Variants in BMPR2 observed in about 807,000 individuals in gnomAD.
The protein encoded by BMPR2 is bone morphogenetic protein receptor type 2.
BMPR2 carries 29 observed loss-of-function variants against 100.8 expected under a neutral mutation model. The observed-to-expected ratio is 0.29, with a 90% CI of 0.21 to 0.39. The LOEUF (loss-of-function observed/expected upper bound fraction) is 0.39, where lower values mean the gene tolerates loss of function less well. BMPR2 is among the 10% of genes least tolerant of loss of function. BMPR2 has a pLI of 1.00. For missense variants in BMPR2, 1,011 were observed against 1,274.5 expected (o/e 0.79, Z 3.15); for synonymous variants, 382 against 442.3 (o/e 0.86, Z 1.71).
intron 2 of BMPR2, 61 bp from the exon 3 acceptor site, chr2:202,467,458 G>T (rs745606726): frequency 7.0e-6 from 10 of 1,431,638 alleles, no homozygotes; most frequent in Non-Finnish European, 9.8e-6. Flanking sequence ...TTAGTTTGTT[G>T]TTTTTCTCTT....
chr2:202,435,831 C>A (rs1346985456), intron 1 of BMPR2, among the ~76,000 whole-genome samples: 1 of 150,430 alleles, frequency 6.6e-6, no homozygotes, highest in Non-Finnish European at 1.5e-5. Context: ...TACAACTATC[C>A]TATAGTCTAG....
intron 7 of BMPR2, among the ~76,000 whole-genome samples, chr2:202,530,284 A>G (rs1038297412): frequency 5.3e-5 from 8 of 152,216 alleles, no homozygotes; most frequent in African/African-American, 1.9e-4. Flanking sequence ...ATTTGTGGTT[A>G]GATTTGAAAA....
At chr2:202,493,167 T>C (rs1329371183) in intron 3 of BMPR2, among the ~76,000 whole-genome samples, 2 of 152,230 alleles carry the variant, frequency 1.3e-5, no homozygotes, top group African/African-American at 4.8e-5. Flanking sequence ...GTGAATTTTA[T>C]TTTTAATTTG....
At chr2:202,552,025 T>A (rs192910235) in intron 10 of BMPR2, among the ~76,000 whole-genome samples, 1 of 152,254 alleles carries the variant, frequency 6.6e-6, no homozygotes, top group Non-Finnish European at 1.5e-5. Context: ...CAGCTGATTT[T>A]TGTATTTTTA....
chr2:202,376,510 G>T lies in BMPR2; in HGVS notation c.-965G>T, dbSNP rs1394399058. Among the ~76,000 whole-genome samples, 5 of 136,256 alleles carry T rather than the reference G, an allele frequency of 3.7e-5. No homozygotes were observed. The highest frequency in any genetic ancestry group is 6.4e-5 in the Non-Finnish European group (4 of 62,738). The allele number at this position is 136,256 out of a possible 152,430, so 89.4% of individuals were successfully genotyped here. On this transcript the variant is annotated 5_prime_UTR_variant, in exon 1 of 13. Transcript: ENST00000374580. ...CAGGAGCCCAGAGCTGCGGGAGAAC[G>T]AGGCGGCGGCGGCGGCGGCGGCGGC...
chr2:202,534,413 G>T (rs887870191), intron 9 of BMPR2, among the ~76,000 whole-genome samples: 23 of 151,662 alleles, frequency 1.5e-4, no homozygotes, highest in African/African-American at 5.3e-4. Context: ...GCGGCCTTCC[G>T]CAGTGTTTGT....
intron 1 of BMPR2, among the ~76,000 whole-genome samples, chr2:202,384,873 G>A (rs1164292994): frequency 2.0e-5 from 3 of 152,116 alleles, no homozygotes; most frequent in African/African-American, 4.8e-5. Flanking sequence ...GATTACAGAC[G>A]TGAGCCACCG....
chr2:202,421,454 G>A (rs1401491466), intron 1 of BMPR2, among the ~76,000 whole-genome samples: 1 of 136,668 alleles, frequency 7.3e-6, no homozygotes, highest in East Asian at 2.0e-4. Flanking sequence ...AAAGCTACCC[G>A]CCCCCACCTT....
At chr2:202,485,269 C>T (rs530946467) in intron 3 of BMPR2, among the ~76,000 whole-genome samples, 3 of 151,916 alleles carry the variant, frequency 2.0e-5, no homozygotes, top group African/African-American at 7.2e-5. Flanking sequence ...GTAGGGTTGC[C>T]ATAATAAATT....
chr2:202,567,350 CG>C lies in BMPR2; in HGVS notation c.*7407del, dbSNP rs1306410424. On this transcript the variant is annotated 3_prime_UTR_variant, in exon 13 of 13. Coordinates refer to ENST00000374580, the MANE Select transcript of BMPR2 (RefSeq NM_001204.7). ...TCCTCAGAACCCTCTTTCTTGTTAA[CG>C]GGTATCTTTTGTTGGTGTGTTTTGC... 6.6e-6 allele frequency: 1 copy of C among 152,576 alleles called. No homozygotes were observed. Among genetic ancestry groups the C allele is most frequent in the African/African-American group, 2.4e-5 (1 of 41,424 alleles). 9.5% of individuals were successfully genotyped at this position (152,576 alleles called of 1,614,324 possible).
intron 1 of BMPR2, among the ~76,000 whole-genome samples, chr2:202,456,604 T>C (rs1295819703): frequency 6.7e-6 from 1 of 149,888 alleles, no homozygotes. Context: ...AACCTCTGCC[T>C]CCTGAGTTCA....
chr2:202,536,786 C>T (rs552091295), intron 9 of BMPR2, among the ~76,000 whole-genome samples: 8 of 150,036 alleles, frequency 5.3e-5, no homozygotes, highest in East Asian at 4.0e-4. Flanking sequence ...GCAGGAGAAT[C>T]GCTTGAACCC....
intron 5 of BMPR2, 138 bp downstream of exon 5, chr2:202,515,117 T>G: frequency 1.3e-5 from 10 of 799,692 alleles, no homozygotes; most frequent in African/African-American, 1.7e-5. Context: ...TCAAGGCCTA[T>G]TCTAGGCACT....
chr2:202,457,486 A>T (rs891490296), intron 1 of BMPR2, among the ~76,000 whole-genome samples: 1 of 150,544 alleles, frequency 6.6e-6, no homozygotes. Flanking sequence ...AATGACATAA[A>T]GATCAATTAT....
At chr2:202,380,691 C>T (rs1454025281) in intron 1 of BMPR2, among the ~76,000 whole-genome samples, 45 of 147,014 alleles carry the variant, frequency 3.1e-4, no homozygotes, top group Admixed American at 2.4e-3. Flanking sequence ...GGTGTGATCT[C>T]GGCTCACTGC....
chr2:202,385,240 C>A (rs979497402), intron 1 of BMPR2, among the ~76,000 whole-genome samples: 2 of 149,892 alleles, frequency 1.3e-5, no homozygotes, highest in Admixed American at 1.3e-4. Flanking sequence ...ACCAGGCTAA[C>A]CTTTTAGGGC....
chr2:202,406,376 T>G (rs556058619), intron 1 of BMPR2, among the ~76,000 whole-genome samples: 1 of 152,228 alleles, frequency 6.6e-6, no homozygotes, highest in South Asian at 2.1e-4. Flanking sequence ...TTACTTTGTT[T>G]TGTTTTGAGA....
In BMPR2 at chr2:202,432,989, A is replaced by G. The variant is rs144815544; in HGVS notation, c.77-31820A>G. On this transcript the variant is annotated intron_variant, in intron 1 of 12. Coordinates refer to ENST00000374580, the MANE Select transcript of BMPR2 (RefSeq NM_001204.7). ...TCTGCCAGCTGGTAAGGTGGTATCT[A>G]GTAAGGATATTTAAGAGTGTTGCCT... Among the ~76,000 whole-genome samples, 156 of 150,278 alleles carry G rather than the reference A, an allele frequency of 1.0e-3. 14 individuals are homozygous for G. The highest frequency in any genetic ancestry group is 3.9e-3 in the African/African-American group (154 of 39,800).
chr2:202,534,883 C>G (rs1264506401), intron 9 of BMPR2, among the ~76,000 whole-genome samples: 1 of 144,006 alleles, frequency 6.9e-6, no homozygotes, highest in African/African-American at 2.6e-5. Flanking sequence ...CCGGACGGGG[C>G]GGCTGGCCGG....
Sources: gnomAD v4.1 joint callset for allele counts (sites outside exome capture counted in the v4.1 genomes callset) on GRCh38, gnomAD v4.1.1 for gene constraint, MANE v1.5 for transcripts, NCBI Gene and HGNC (gene_info 2026-07-23, HGNC 2026-07-21) for gene names.